The following CRYBG3 variants were observed in gnomAD, a reference collection of about 807,000 sequenced individuals.
The protein encoded by CRYBG3 is crystallin beta-gamma domain containing 3, also known as very large A-kinase anchor protein.
A neutral mutation model predicts 244.2 loss-of-function variants in CRYBG3; 127 were observed. The ratio of observed to expected loss-of-function variants is 0.52; its 90% CI spans 0.45 to 0.60. CRYBG3 has a LOEUF of 0.60. Among genes scored for constraint, CRYBG3 ranks in the 20% least tolerant of loss-of-function variants. The pLI is 0.00. For missense variants in CRYBG3, 3,325 were observed against 3,442.5 expected (o/e 0.97, Z 0.85); for synonymous variants, 1,132 against 1,195.8 (o/e 0.95, Z 1.10).
At chr3:97,900,152 A>C (rs1040307429) in intron 14 of CRYBG3, among the ~76,000 whole-genome samples, 1 of 117,900 alleles carries the variant, frequency 8.5e-6, no homozygotes, top group South Asian at 2.9e-4. Context: ...GTTCGACACC[A>C]GCCTGAGCAA....
chr3:97,911,305 A>G (rs1414103420), intron 15 of CRYBG3, among the ~76,000 whole-genome samples: 3 of 152,132 alleles, frequency 2.0e-5, no homozygotes, highest in Admixed American at 6.5e-5. Flanking sequence ...CCTGTGGGCC[A>G]TGTTGTTCCA....
chr3:97,861,037 A>AT (rs568200150), intron 2 of CRYBG3, among the ~76,000 whole-genome samples: 2,409 of 151,454 alleles, frequency 0.016, 63 homozygotes, highest in African/African-American at 0.054. Flanking sequence ...CTCCATGTCC[A>AT]TTTTTTTTGG....
Position 97,826,082 on chromosome 3 carries a change from T to G in CRYBG3, c.149+3727T>G, listed in dbSNP as rs978692145. Among the ~76,000 whole-genome samples the G allele has an allele frequency of 8.5e-5, 13 of 152,190 alleles. No homozygotes were observed. The South Asian group carries it at 2.5e-3, about 29-fold the overall frequency. Reference sequence around the variant, plus strand: ...AGAGAATTCCAGAAGTCTTTAGGGGTGTGTAATTTGTGAGAATCTTGTCCC... The same window carrying G: ...AGAGAATTCCAGAAGTCTTTAGGGGGGTGTAATTTGTGAGAATCTTGTCCC... On this transcript the variant is annotated intron_variant, in intron 1 of 21. Transcript: ENST00000389622.
chr3:97,904,935 G>A (rs1365393914), intron 15 of CRYBG3, among the ~76,000 whole-genome samples: 1 of 131,114 alleles, frequency 7.6e-6, no homozygotes. Flanking sequence ...TCCCCTTCCT[G>A]TGTCCATGTG....
intron 13 of CRYBG3, 22 bp downstream of exon 13, chr3:97,899,047 C>T (rs1446178088): frequency 1.2e-6 from 2 of 1,604,008 alleles, no homozygotes; most frequent in African/African-American, 1.3e-5. Flanking sequence ...CCTCTAAGAA[C>T]CTTGAGAGTC....
At chr3:97,898,365 CAT>C (rs1559737011) in intron 12 of CRYBG3, among the ~76,000 whole-genome samples, 1 of 152,016 alleles carries the variant, frequency 6.6e-6, no homozygotes, top group African/African-American at 2.4e-5. Context: ...CTGTTTGAGT[CAT>C]AGAGATTTTC....
intron 16 of CRYBG3, among the ~76,000 whole-genome samples, chr3:97,914,989 GAAGATTCT>G (rs2108252588): frequency 6.6e-6 from 1 of 152,182 alleles, no homozygotes; most frequent in Non-Finnish European, 1.5e-5. Flanking sequence ...ACTCACTATT[GAAGATTCT>G]AAGGGATTTA....
intron 2 of CRYBG3, among the ~76,000 whole-genome samples, chr3:97,849,390 C>T (rs886766825): frequency 6.6e-6 from 1 of 151,940 alleles, no homozygotes; most frequent in Non-Finnish European, 1.5e-5. Context: ...GAAGGCATAC[C>T]ATATTCAACT....
intron 20 of CRYBG3, among the ~76,000 whole-genome samples, chr3:97,941,515 T>C (rs1321944154): frequency 6.6e-6 from 1 of 151,972 alleles, no homozygotes; most frequent in Non-Finnish European, 1.5e-5. Flanking sequence ...AATTTTTAAG[T>C]AAACACAAAG....
chr3:97,926,740 G>A (rs186263754), intron 17 of CRYBG3, among the ~76,000 whole-genome samples: 23 of 152,078 alleles, frequency 1.5e-4, no homozygotes, highest in Non-Finnish European at 3.2e-4. Flanking sequence ...TACAAAATCA[G>A]TGTAGAAAAA....
chr3:97,880,544 G>A (rs574068069), intron 6 of CRYBG3, among the ~76,000 whole-genome samples: 4 of 152,290 alleles, frequency 2.6e-5, no homozygotes, highest in Admixed American at 2.6e-4. Context: ...CTAAAAATGA[G>A]GGGCAACCCT....
At position 97,872,277 on chromosome 3, in the gene CRYBG3, C is replaced by T. The variant is rs2039314564; in HGVS notation, c.1083C>T (p.Asp361=). The T allele has an allele frequency of 6.5e-7, 1 of 1,535,734 alleles. No individual in the cohort carries two copies. Among genetic ancestry groups the T allele is most frequent in the Non-Finnish European group, 8.7e-7 (1 of 1,146,706 alleles). The stretch of plus-strand genomic sequence containing the variant: ...ACTCCAGCTACGATGGAGAATCTGA[C>T]TCACAGCACCATTTAAGTTGTGAAC... The part of the protein sequence containing the change: ...VTNSSYDGES[D]SQHHLSCEPV... Residue 361 remains aspartate, a synonymous_variant, in exon 4 of 22, where the codon GAC becomes GAT. Transcript: ENST00000389622.
chr3:97,838,476 A>T (rs986807874), intron 1 of CRYBG3, among the ~76,000 whole-genome samples: 3 of 152,068 alleles, frequency 2.0e-5, no homozygotes, highest in African/African-American at 7.2e-5. Flanking sequence ...CAAAATATAG[A>T]TTCCTGGGCC....
At chr3:97,835,553 G>A (rs1478383600) in intron 1 of CRYBG3, among the ~76,000 whole-genome samples, 1 of 152,120 alleles carries the variant, frequency 6.6e-6, no homozygotes, top group African/African-American at 2.4e-5. Flanking sequence ...TAGTAACATG[G>A]TGTTAGTTCA....
Position 97,873,407 on chromosome 3 carries a change from A to G in CRYBG3, c.2213A>G (p.Asn738Ser), listed in dbSNP as rs1181532629. The G allele has an allele frequency of 6.5e-7, 1 of 1,535,400 alleles. No homozygotes were observed. Among genetic ancestry groups the G allele is most frequent in the Non-Finnish European group, 8.7e-7 (1 of 1,146,756 alleles). ...AIFEFKEVLSNSEKCQVLPGS... is the reference protein window; with the variant it reads ...AIFEFKEVLSSSEKCQVLPGS... ...TTTGAATTCAAAGAAGTTCTTTCTA[A>G]TAGTGAAAAATGCCAGGTTCTTCCA... The change falls in exon 4 of 22, where the codon AAT (asparagine) becomes AGT (serine). Residue 738 changes from asparagine to serine, a missense_variant. Around this residue, in one of 4 missense-constraint regions of CRYBG3, gnomAD observed 1,526 missense variants for 1,443.2 expected, o/e 1.06. Transcript: ENST00000389622.
In CRYBG3 at chr3:97,885,330, T is replaced by C. The variant is rs150356270; in HGVS notation, c.7153-1301T>C. ...AAATCAGACTATTATACTTTTAGAA[T>C]TGCAAAACTTAAGTAGAATTGTTCA... On this transcript the variant is annotated intron_variant, in intron 7 of 21. Transcript: ENST00000389622. Among the ~76,000 whole-genome samples the C allele has an allele frequency of 3.5e-4, 54 of 152,248 alleles. No individual in the cohort carries two copies. In the East Asian group the frequency reaches 9.8e-3, roughly 28 times the overall value.
At chr3:97,924,330 G>A (rs1031599280) in intron 17 of CRYBG3, 15 of 403,178 alleles carry the variant, frequency 3.7e-5, no homozygotes, top group African/African-American at 3.0e-4. Context: ...CAACTTAGAA[G>A]AAAATATAGG....
At chr3:97,832,253 A>G (rs752861843) in intron 1 of CRYBG3, among the ~76,000 whole-genome samples, 6 of 151,296 alleles carry the variant, frequency 4.0e-5, no homozygotes, top group Non-Finnish European at 8.8e-5. Flanking sequence ...AAGAGCCCAT[A>G]TAGCCAAGAC....
At chr3:97,880,463 T>A (rs2039431979) in intron 6 of CRYBG3, among the ~76,000 whole-genome samples, 1 of 152,220 alleles carries the variant, frequency 6.6e-6, no homozygotes. Flanking sequence ...TGCTGAGGAA[T>A]GTGAAGGCCA....
Sources: allele counts gnomAD v4.1 joint callset (sites outside exome capture counted in the v4.1 genomes callset), GRCh38; gene constraint gnomAD v4.1.1; regional missense constraint gnomAD v4.1.1; transcripts MANE v1.5; gene names NCBI Gene and HGNC (gene_info 2026-07-23, HGNC 2026-07-21).